Variants in AUTS2 observed in about 807,000 individuals in gnomAD.
AUTS2 encodes autism susceptibility gene 2 protein.
AUTS2 carries 17 observed loss-of-function variants against 112.4 expected under a neutral mutation model. The ratio of observed to expected loss-of-function variants is 0.15; its 90% CI spans 0.10 to 0.23. The LOEUF is 0.23. Ranked by LOEUF, AUTS2 falls within the 10% of genes least tolerant of loss-of-function variation. The pLI is 1.00. For missense variants in AUTS2, 1,510 were observed against 1,701.6 expected, an observed-to-expected ratio of 0.89 and a Z score of 1.98; for synonymous variants, 751 against 702.7, an observed-to-expected ratio of 1.07 and a Z score of -1.09.
intron 2 of AUTS2, among the ~76,000 whole-genome samples, chr7:70,036,904 G>A (rs1297206936): frequency 6.6e-6 from 1 of 152,120 alleles, no homozygotes; most frequent in Admixed American, 6.5e-5. Context: ...GGATGCAAAA[G>A]GCAACAGGTT....
chr7:70,639,467 G>A (rs1436643332), intron 5 of AUTS2, among the ~76,000 whole-genome samples: 1 of 151,374 alleles, frequency 6.6e-6, no homozygotes, highest in Admixed American at 6.6e-5. Flanking sequence ...CAATAAATAA[G>A]CCAGGCAGGT....
chr7:70,499,908 CTTG>C (rs1181364944), intron 5 of AUTS2, among the ~76,000 whole-genome samples: 1 of 152,136 alleles, frequency 6.6e-6, no homozygotes, highest in Non-Finnish European at 1.5e-5. Flanking sequence ...TCCAGTCAGA[CTTG>C]TTGAGGAAGA....
chr7:70,616,972 C>T (rs1804405684), intron 5 of AUTS2, among the ~76,000 whole-genome samples: 1 of 152,142 alleles, frequency 6.6e-6, no homozygotes, highest in Non-Finnish European at 1.5e-5. Context: ...ATCCGGTAGT[C>T]ATGGGCTATG....
chr7:70,505,070 C>T (rs941123641), intron 5 of AUTS2, among the ~76,000 whole-genome samples: 3 of 152,222 alleles, frequency 2.0e-5, no homozygotes, highest in Non-Finnish European at 1.5e-5. Flanking sequence ...CTCAGTGAAT[C>T]TTGCTTCACC....
At chr7:70,034,611 T>G (rs929908228) in intron 2 of AUTS2, among the ~76,000 whole-genome samples, 5 of 152,202 alleles carry the variant, frequency 3.3e-5, no homozygotes, top group African/African-American at 1.2e-4. Flanking sequence ...TACGGTAAAT[T>G]TGGAGGTGCT....
intron 1 of AUTS2, among the ~76,000 whole-genome samples, chr7:69,628,503 C>A (rs529017952): frequency 6.6e-6 from 1 of 152,220 alleles, no homozygotes; most frequent in African/African-American, 2.4e-5. Context: ...TTAGTTTTCA[C>A]ACTGCTAAAA....
chr7:69,944,566 A>G (rs897281402), intron 2 of AUTS2, among the ~76,000 whole-genome samples: 3 of 152,184 alleles, frequency 2.0e-5, no homozygotes, highest in Non-Finnish European at 4.4e-5. Context: ...CGAGTTACAA[A>G]ATGGGCCACT....
intron 1 of AUTS2, among the ~76,000 whole-genome samples, chr7:69,869,403 T>C (rs1025573152): frequency 2.6e-5 from 4 of 152,050 alleles, no homozygotes; most frequent in African/African-American, 7.2e-5. Flanking sequence ...AGGCATCGTG[T>C]CCTTTATTTT....
At chr7:69,697,621 T>C (rs1797612241) in intron 1 of AUTS2, among the ~76,000 whole-genome samples, 1 of 152,228 alleles carries the variant, frequency 6.6e-6, no homozygotes, top group Non-Finnish European at 1.5e-5. Context: ...TTGTTAGTGC[T>C]CAGATCAGTT....
chr7:70,629,288 G>A (rs1309413405), intron 5 of AUTS2, among the ~76,000 whole-genome samples: 3 of 152,050 alleles, frequency 2.0e-5, no homozygotes, highest in African/African-American at 7.2e-5. Context: ...TTGGCCAACA[G>A]GGTGAAACCT....
chr7:70,772,395 C>T (rs181132267), intron 11 of AUTS2, among the ~76,000 whole-genome samples: 15 of 152,330 alleles, frequency 9.8e-5, no homozygotes, highest in East Asian at 1.9e-4. Flanking sequence ...GAGTCATTCT[C>T]GAAACACTCT....
intron 5 of AUTS2, among the ~76,000 whole-genome samples, chr7:70,509,365 A>T (rs900040149): frequency 6.6e-6 from 1 of 152,212 alleles, no homozygotes; most frequent in African/African-American, 2.4e-5. Context: ...ATTATAAGGT[A>T]TTCTGACTTG....
intron 2 of AUTS2, among the ~76,000 whole-genome samples, chr7:69,998,728 C>T (rs986941894): frequency 6.6e-6 from 1 of 152,090 alleles, no homozygotes; most frequent in African/African-American, 2.4e-5. Flanking sequence ...AAAGTATAAA[C>T]ACATAAATCT....
intron 4 of AUTS2, among the ~76,000 whole-genome samples, chr7:70,165,933 G>A (rs1279027832): frequency 1.3e-5 from 2 of 152,004 alleles, no homozygotes; most frequent in African/African-American, 4.8e-5. Flanking sequence ...GATCATGGGG[G>A]CAGTTCCCCA....
At chr7:70,362,766 A>T (rs1260276780) in intron 4 of AUTS2, among the ~76,000 whole-genome samples, 1 of 152,128 alleles carries the variant, frequency 6.6e-6, no homozygotes, top group Non-Finnish European at 1.5e-5. Context: ...AATGCTTCAT[A>T]TAGTTCCTTG....
At chr7:70,341,232 C>T (rs376276451) in intron 4 of AUTS2, among the ~76,000 whole-genome samples, 38 of 152,234 alleles carry the variant, frequency 2.5e-4, no homozygotes, top group East Asian at 1.5e-3. Context: ...CTCTTCTTAC[C>T]GGAGTAACAG....
chr7:69,876,378 A>ATATATATG lies in AUTS2; in HGVS notation c.310-22903_310-22902insATGTATAT, dbSNP rs1554396550. Among the ~76,000 whole-genome samples, 22 of 113,124 alleles carry ATATATATG rather than the reference A, an allele frequency of 1.9e-4. 1 individual carries two copies. The highest frequency in any genetic ancestry group is 2.0e-4 in the Admixed American group (2 of 9,928). 74.2% of individuals were successfully genotyped at this position (113,124 alleles called of 152,430 possible). A position where few individuals can be genotyped will look rare whatever the true frequency, so the allele number is the denominator to read the frequency against. On this transcript the variant is annotated intron_variant, in intron 1 of 18. Transcript: ENST00000342771. Reference sequence around the variant, plus strand: ...TATATATATATATATATATATATATATATATGTATATATAATATGTATTAT... The same window carrying ATATATATG: ...TATATATATATATATATATATATATATATATATGTATATGTATATATAATATGTATTAT...
chr7:70,724,900 T>G (rs950219207), intron 6 of AUTS2, among the ~76,000 whole-genome samples: 12 of 152,098 alleles, frequency 7.9e-5, no homozygotes, highest in Non-Finnish European at 1.6e-4. Context: ...TTAATACTGG[T>G]TTTTTGGGGA....
At chr7:70,612,175 T>C (rs544394181) in intron 5 of AUTS2, among the ~76,000 whole-genome samples, 1 of 152,352 alleles carries the variant, frequency 6.6e-6, no homozygotes, top group East Asian at 1.9e-4. Flanking sequence ...ACCATAGCCT[T>C]CTTTGTTCTA....
Sources: gnomAD v4.1 joint callset for allele counts (sites outside exome capture counted in the v4.1 genomes callset) on GRCh38, gnomAD v4.1.1 for gene constraint, MANE v1.5 for transcripts, NCBI Gene and HGNC (gene_info 2026-07-23, HGNC 2026-07-21) for gene names.